TSPAN7: variants seen among roughly 807,000 people sequenced by gnomAD.
TSPAN7 encodes the protein tetraspanin-7.
In TSPAN7, 1 loss-of-function variant was observed where a neutral mutation model predicts 17.6. The observed-to-expected ratio is 0.06, with a 90% confidence interval of 0.02 to 0.27. The LOEUF (loss-of-function observed/expected upper bound fraction) is 0.27. Ranked by LOEUF, TSPAN7 falls within the 10% of genes least tolerant of loss-of-function variation. The pLI is 1.00. For missense variants in TSPAN7, 112 were observed against 201.7 expected (o/e 0.56, Z 2.69); for synonymous variants, 78 against 79.0 (o/e 0.99, Z 0.07).
At chrX:38,593,704 C>A (rs943895535) in intron 1 of TSPAN7, among the ~76,000 whole-genome samples, 3 of 112,028 alleles carry the variant, frequency 2.7e-5, no homozygotes, top group African/African-American at 9.7e-5. Context: ...TTCCTTTTGG[C>A]TCTCTCTTGC....
chrX:38,649,522 G>C (rs1352968282), intron 1 of TSPAN7, among the ~76,000 whole-genome samples: 2 of 111,596 alleles, frequency 1.8e-5, no homozygotes, highest in East Asian at 5.6e-4. Flanking sequence ...GGAGCTGAGG[G>C]AAGGGCCTGG....
At chrX:38,584,948 T>C (rs947938733) in intron 1 of TSPAN7, among the ~76,000 whole-genome samples, 1 of 112,397 alleles carries the variant, frequency 8.9e-6, no homozygotes, top group African/African-American at 3.2e-5. Flanking sequence ...TTTTGAACAT[T>C]ATATAAATTG....
chrX:38,562,848 C>T (rs2069121254), intron 1 of TSPAN7: 2 of 456,322 alleles, frequency 4.4e-6, no homozygotes, highest in African/African-American at 2.6e-5. Flanking sequence ...TTAGCTTCTA[C>T]GGCAGTCATT....
chrX:38,611,861 C>A lies in TSPAN7; in HGVS notation c.81+50234C>A, dbSNP rs1226438102. Among the ~76,000 whole-genome samples, 3 of 111,797 alleles carry A rather than the reference C, an allele frequency of 2.7e-5. No homozygotes were observed. The Admixed American group carries it at 2.8e-4, about 11-fold the overall frequency. ...TTAAGAAATGGGAAAATAGCAGCTCCTTAAAGACCTTTCCTCTGTTCCCTT... is the reference window on the plus strand; with the variant it reads ...TTAAGAAATGGGAAAATAGCAGCTCATTAAAGACCTTTCCTCTGTTCCCTT... On this transcript the variant is annotated intron_variant, in intron 1 of 7. Coordinates refer to ENST00000378482, the MANE Select transcript of TSPAN7 (RefSeq NM_004615.4).
chrX:38,634,239 G>A (rs1050537411), intron 1 of TSPAN7, among the ~76,000 whole-genome samples: 6 of 111,764 alleles, frequency 5.4e-5, no homozygotes, highest in Admixed American at 3.8e-4. Context: ...TGAGGTATTC[G>A]AAGATTTGGG....
intron 4 of TSPAN7, among the ~76,000 whole-genome samples, chrX:38,674,919 T>G (rs1173985315): frequency 4.5e-5 from 5 of 112,179 alleles, no homozygotes; most frequent in Non-Finnish European, 7.5e-5. Flanking sequence ...TTCTTGGTTT[T>G]GTTTACTTCA....
rs2069848714 is a variant in TSPAN7 at position 38,675,689 on chromosome X, C to A, written c.442-16C>A. 2 of 1,210,793 alleles carry A rather than the reference C, an allele frequency of 1.7e-6. No individual in the cohort carries two copies. The highest frequency in any genetic ancestry group is 1.7e-5 in the African/African-American group (1 of 57,593). On this transcript the variant is annotated splice_polypyrimidine_tract_variant and intron_variant, in intron 4 of 7. Transcript: ENST00000378482. ...GATCTGCCATTTTTTTATTCTTTTC[C>A]TTTCCCTGTTAATAGCTGAGCTGCT...
chrX:38,585,940 A>G (rs888856701), intron 1 of TSPAN7, among the ~76,000 whole-genome samples: 4 of 112,983 alleles, frequency 3.5e-5, no homozygotes, highest in African/African-American at 1.3e-4. Context: ...ATGTGGTACC[A>G]TGTACAGCCT....
chrX:38,567,481 C>T (rs1213523851), intron 1 of TSPAN7, among the ~76,000 whole-genome samples: 2 of 112,267 alleles, frequency 1.8e-5, no homozygotes, highest in Non-Finnish European at 3.8e-5. Context: ...CCACTGGGTC[C>T]CTCCCACAAC....
intron 1 of TSPAN7, among the ~76,000 whole-genome samples, chrX:38,582,294 T>C (rs769027033): frequency 1.8e-5 from 2 of 112,282 alleles, no homozygotes; most frequent in Admixed American, 9.4e-5. Context: ...CACGCCAACA[T>C]CAATGACAAT....
intron 1 of TSPAN7, among the ~76,000 whole-genome samples, chrX:38,584,142 A>G (rs1297754500): frequency 1.9e-5 from 2 of 107,230 alleles, no homozygotes; most frequent in Non-Finnish European, 3.8e-5. Context: ...TTTAGTAGAG[A>G]CGGGGTTTCA....
chrX:38,573,620 CA>C (rs2069180383), intron 1 of TSPAN7, among the ~76,000 whole-genome samples: 1 of 111,571 alleles, frequency 9.0e-6, no homozygotes, highest in African/African-American at 3.3e-5. Context: ...ATTCCTATTT[CA>C]TTAGTTTTTA....
intron 2 of TSPAN7, among the ~76,000 whole-genome samples, chrX:38,670,392 G>A (rs1012490966): frequency 8.9e-6 from 1 of 112,071 alleles, no homozygotes; most frequent in African/African-American, 3.2e-5. Flanking sequence ...GAATTTAGGC[G>A]TGCTTGCATG....
intron 1 of TSPAN7, chrX:38,612,811 T>C (rs1265140361): frequency 8.9e-6 from 1 of 111,786 alleles, no homozygotes; most frequent in Non-Finnish European, 1.9e-5. Context: ...TGTAGAGAAG[T>C]ATGAAGCCAT....
chrX:38,625,974 T>C (rs778939086), intron 1 of TSPAN7, among the ~76,000 whole-genome samples: 1 of 112,202 alleles, frequency 8.9e-6, no homozygotes, highest in African/African-American at 3.2e-5. Flanking sequence ...TTGCAGACAG[T>C]GTCAGGAATC....
chrX:38,584,099 G>A (rs1256966752), intron 1 of TSPAN7, among the ~76,000 whole-genome samples: 1 of 107,290 alleles, frequency 9.3e-6, no homozygotes, highest in Non-Finnish European at 1.9e-5. Flanking sequence ...GACTACAGGC[G>A]CCCACCCCCA....
intron 1 of TSPAN7, among the ~76,000 whole-genome samples, chrX:38,632,638 A>G (rs773655892): frequency 8.9e-5 from 10 of 112,727 alleles, no homozygotes; most frequent in Non-Finnish European, 1.7e-4. Flanking sequence ...ATGTTTTAAC[A>G]TTCATTGACT....
intron 3 of TSPAN7, among the ~76,000 whole-genome samples, chrX:38,672,357 G>A (rs1476253062): frequency 1.8e-5 from 2 of 108,238 alleles, no homozygotes; most frequent in African/African-American, 6.8e-5. Context: ...CCATCTTGCT[G>A]CACACTTAAA....
chrX:38,649,226 A>G (rs2069662819), intron 1 of TSPAN7, among the ~76,000 whole-genome samples: 1 of 111,150 alleles, frequency 9.0e-6, no homozygotes, highest in Non-Finnish European at 1.9e-5. Flanking sequence ...TCATTCTTGC[A>G]TGGGAAGAGT....
Sources: allele counts gnomAD v4.1 joint callset (sites outside exome capture counted in the v4.1 genomes callset), GRCh38; gene constraint gnomAD v4.1.1; transcripts MANE v1.5; gene names NCBI Gene and HGNC (gene_info 2026-07-23, HGNC 2026-07-21).